The following NRAP variants were observed in gnomAD, a reference collection of about 807,000 sequenced individuals.
NRAP encodes the protein nebulin-related-anchoring protein.
NRAP carries 189 observed loss-of-function variants against 225.9 expected under a neutral mutation model. The observed-to-expected ratio is 0.84, with a 90% CI of 0.74 to 0.94. NRAP has a LOEUF of 0.94. Ranked by LOEUF, NRAP falls within the 40% of genes least tolerant of loss-of-function variation. The pLI, the probability that NRAP is intolerant of heterozygous loss-of-function variation, is 0.00. For synonymous variants in NRAP, 769 were observed against 790.7 expected (o/e 0.97, Z 0.46); for missense variants, 2,176 against 2,168.7 (o/e 1.00, Z -0.07).
intron 3 of NRAP, among the ~76,000 whole-genome samples, chr10:113,659,493 T>A (rs926775867): frequency 3.9e-5 from 6 of 152,212 alleles, no homozygotes; most frequent in African/African-American, 1.2e-4. Context: ...TTATATTTGC[T>A]GTCCTCCTTC....
At chr10:113,601,231 C>T (rs1309448915) in intron 35 of NRAP, among the ~76,000 whole-genome samples, 2 of 152,218 alleles carry the variant, frequency 1.3e-5, no homozygotes, top group Admixed American at 6.5e-5. Flanking sequence ...ACCATAGCCA[C>T]GAGAACCTCA....
intron 35 of NRAP, among the ~76,000 whole-genome samples, chr10:113,599,388 C>T (rs550278630): frequency 8.5e-5 from 13 of 152,318 alleles, no homozygotes; most frequent in South Asian, 6.2e-4. Context: ...CAGTCTACAC[C>T]GGCAAAGCTT....
intron 4 of NRAP, among the ~76,000 whole-genome samples, chr10:113,657,154 A>ATC (rs1466466094): frequency 6.6e-6 from 1 of 152,114 alleles, no homozygotes; most frequent in African/African-American, 2.4e-5. Context: ...AATGATGTAG[A>ATC]TCAGAACGGG....
chr10:113,663,690 T>C, intron 1 of NRAP, 121 bp downstream of exon 1: 5 of 771,068 alleles, frequency 6.5e-6, no homozygotes, highest in Non-Finnish European at 8.8e-6. Flanking sequence ...TATAACTTTT[T>C]CTTGTGGTTC....
At position 113,650,134 on chromosome 10, in the gene NRAP, T is replaced by C. The variant is rs766353213; in HGVS notation, c.791A>G (p.Tyr264Cys). 1.9e-6 allele frequency: 3 copies of C among 1,605,412 alleles called. No individual in the cohort carries two copies. The highest frequency in any genetic ancestry group is 2.2e-5 in the South Asian group (2 of 90,906). The change falls in exon 9 of 42, where the codon TAC (tyrosine) becomes TGC (cysteine). Residue 264 changes from tyrosine to cysteine, a missense_variant. Around this residue, in one of 3 missense-constraint regions of NRAP, gnomAD observed 1,708 missense variants for 1,695.5 expected, o/e 1.01. Coordinates refer to ENST00000359988, the MANE Select transcript of NRAP (RefSeq NM_198060.4). ...RANELASDVR[Y>C]HQQYQKEMRG... ...CATTTCTTTTTGATATTGTTGATGG[T>C]ACCTCACCTGTTTTAAGGCAAAGGA...
chr10:113,626,103 C>T lies in NRAP; in HGVS notation c.2188G>A (p.Val730Met), dbSNP rs759260365. The stretch of plus-strand genomic sequence containing the variant: ...TGCTCCATCTGGGAGCTGTCGGTCA[C>T]GCTGGTGAACTTCAGCTCATCGACC... Reference protein sequence around the residue: ...QRVDELKFTSVTDSSQMEHAK... With the variant: ...QRVDELKFTSMTDSSQMEHAK... The change falls in exon 21 of 42, where the codon GTG becomes ATG. Residue 730 changes from valine (V) to methionine (M), a missense_variant. Val to Met is a conservative substitution (Grantham distance 21). Transcript: ENST00000359988. The T allele has an allele frequency of 8.1e-6, 13 of 1,612,148 alleles. No homozygotes were observed. The highest frequency in any genetic ancestry group is 2.2e-5 in the East Asian group (1 of 44,804).
At chr10:113,656,582 T>C (rs1272450868) in intron 4 of NRAP, among the ~76,000 whole-genome samples, 1 of 152,232 alleles carries the variant, frequency 6.6e-6, no homozygotes, top group Admixed American at 6.5e-5. Flanking sequence ...CAAGTAATAC[T>C]AGCTGATATT....
At chr10:113,589,578 G>A in intron 41 of NRAP, 88 bp downstream of exon 41, 1 of 1,497,790 alleles carries the variant, frequency 6.7e-7, no homozygotes, top group Non-Finnish European at 9.0e-7. Context: ...CTGACCTTTG[G>A]CCAAAAATAA....
In NRAP at chr10:113,634,158, G is replaced by A; in HGVS notation, c.1481C>T (p.Thr494Ile). 1.2e-6 allele frequency: 2 copies of A among 1,613,916 alleles called. No homozygotes were observed. The highest frequency in any genetic ancestry group is 8.5e-7 in the Non-Finnish European group (1 of 1,179,870). Residue 494 changes from threonine to isoleucine, a missense_variant, in exon 15 of 42, where the codon ACC (threonine) becomes ATC (isoleucine). By Grantham distance (89) the Thr-to-Ile change is moderately conservative (BLOSUM62 -1). Coordinates refer to ENST00000359988, the MANE Select transcript of NRAP (RefSeq NM_198060.4). ...GATTTTGGCTTGAACAATCTGTGGGGTGTCAGTCACCGAGCTGTACTTCAA... is the reference window on the plus strand; with the variant it reads ...GATTTTGGCTTGAACAATCTGTGGGATGTCAGTCACCGAGCTGTACTTCAA... ...DKLKYSSVTD[T>I]PQIVQAKINA...
In NRAP at chr10:113,600,155, T is replaced by TTCTCTCTCTCTCTCTCTCTCTCTC. The variant is rs10529111; in HGVS notation, c.4228-2106_4228-2083dup. Among the ~76,000 whole-genome samples the TTCTCTCTCTCTCTCTCTCTCTCTC allele has an allele frequency of 6.1e-3, 860 of 140,226 alleles. 20 individuals carry two copies. Among genetic ancestry groups the TTCTCTCTCTCTCTCTCTCTCTCTC allele is most frequent in the African/African-American group, 0.02 (760 of 37,132 alleles). The allele number at this position is 140,226 out of a possible 152,430, so 92.0% of individuals were successfully genotyped here. On this transcript the variant is annotated intron_variant, in intron 35 of 41. Coordinates refer to ENST00000359988, the MANE Select transcript of NRAP (RefSeq NM_198060.4). ...ACCATCCTGCAAAGAAGGGGTTATA[T>TTCTCTCTCTCTCTCTCTCTCTCTC]TCTCTCTCTCTCTCTCTCTCTCTCT...
At chr10:113,615,296 T>A (rs1847585307) in intron 27 of NRAP, among the ~76,000 whole-genome samples, 1 of 152,144 alleles carries the variant, frequency 6.6e-6, no homozygotes, top group Admixed American at 6.5e-5. Flanking sequence ...TAGAGAAAAG[T>A]CAGATGTATC....
intron 9 of NRAP, among the ~76,000 whole-genome samples, chr10:113,648,467 C>CTCTCTCTCTATATATATATATATA (rs749486311): frequency 2.3e-5 from 2 of 87,360 alleles, no homozygotes; most frequent in Admixed American, 1.5e-4. Context: ...CTCTCTCTCT[C>CTCTCTCTCTATATATATATATATA]TATATATATA....
At chr10:113,595,597 G>C in intron 38 of NRAP, 26 bp downstream of exon 38, 1 of 1,443,966 alleles carries the variant, frequency 6.9e-7, no homozygotes, top group Non-Finnish European at 9.7e-7. Flanking sequence ...GTGGGCACAC[G>C]TTCCATGAAC....
chr10:113,632,018 C>T (rs568123042), intron 16 of NRAP, 54 bp from the exon 17 acceptor site: 34 of 1,133,100 alleles, frequency 3.0e-5, no homozygotes, highest in South Asian at 5.0e-5. Flanking sequence ...TCCTGCCAAA[C>T]GTCAAAGATT....
At chr10:113,616,533 C>A (rs1847675347) in intron 26 of NRAP, among the ~76,000 whole-genome samples, 1 of 152,170 alleles carries the variant, frequency 6.6e-6, no homozygotes, top group African/African-American at 2.4e-5. Flanking sequence ...TCTCAGAATT[C>A]AGTTTGATTC....
intron 11 of NRAP, among the ~76,000 whole-genome samples, chr10:113,644,523 T>C (rs940856103): frequency 2.0e-5 from 3 of 152,228 alleles, no homozygotes; most frequent in African/African-American, 7.2e-5. Context: ...ATAAAACTTA[T>C]TTAAAAAGCA....
At chr10:113,599,125 G>A (rs2133861969) in intron 35 of NRAP, among the ~76,000 whole-genome samples, 1 of 152,320 alleles carries the variant, frequency 6.6e-6, no homozygotes, top group South Asian at 2.1e-4. Context: ...TTAGATATAA[G>A]CTCTGCTGTA....
rs771782040 is a variant in NRAP, at chr10:113,629,690, G to A, written c.1938C>T (p.Leu646=). The A allele has an allele frequency of 8.1e-6, 13 of 1,613,598 alleles. No homozygotes were observed. In the Middle Eastern group the frequency reaches 4.9e-4, roughly 61 times the overall value. ...NIRHAKKAQT[L]ASDLDYRKKL... is the part of the protein sequence containing the mutation. The stretch of plus-strand genomic sequence containing the variant: ...TCTTCCTGTAGTCCAGGTCACTGGC[G>A]AGAGTTTGGGCCTTCTTAGCATGCC... The change falls in exon 19 of 42, where the codon CTC becomes CTT. Residue 646 remains leucine, a synonymous_variant. Coordinates refer to ENST00000359988, the MANE Select transcript of NRAP (RefSeq NM_198060.4).
At chr10:113,662,621 T>C (rs1850749565) in intron 3 of NRAP, 58 bp downstream of exon 3, 2 of 928,308 alleles carry the variant, frequency 2.2e-6, no homozygotes, top group African/African-American at 3.3e-5. Context: ...TGCATGTTTC[T>C]ACCCAGTAAC....
Sources: gnomAD v4.1 joint callset for allele counts (sites outside exome capture counted in the v4.1 genomes callset) on GRCh38, gnomAD v4.1.1 for gene constraint, gnomAD v4.1.1 regional missense constraint, MANE v1.5 for transcripts, NCBI Gene and HGNC (gene_info 2026-07-23, HGNC 2026-07-21) for gene names.